DHX57: variants seen among roughly 807,000 people sequenced by gnomAD.
The protein encoded by DHX57 is putative ATP-dependent RNA helicase DHX57.
A neutral mutation model predicts 156.2 loss-of-function variants in DHX57; 105 were observed. That is an observed-to-expected ratio of 0.67 (90% confidence interval 0.57 to 0.79). The LOEUF is 0.79. Ranked by LOEUF, DHX57 falls within the 30% of genes least tolerant of loss-of-function variation. DHX57 has a pLI of 0.00. For synonymous variants in DHX57, 704 were observed against 595.6 expected (o/e 1.18, Z -2.65); for missense variants, 1,847 against 1,661.9 (o/e 1.11, Z -1.94).
chr2:38,838,606 ACTT>A (rs1310035229), intron 12 of DHX57, among the ~76,000 whole-genome samples: 4 of 152,182 alleles, frequency 2.6e-5, no homozygotes, highest in Non-Finnish European at 5.9e-5. Flanking sequence ...CATTTTAGAA[ACTT>A]CTTCTAGATT....
At chr2:38,823,648 T>A (rs1160505704) in intron 16 of DHX57, among the ~76,000 whole-genome samples, 1 of 152,048 alleles carries the variant, frequency 6.6e-6, no homozygotes, top group Non-Finnish European at 1.5e-5. Context: ...CTCAAAAAAC[T>A]AAAAATAGAA....
At chr2:38,806,977 A>G (rs181126463) in intron 21 of DHX57, among the ~76,000 whole-genome samples, 1 of 150,306 alleles carries the variant, frequency 6.7e-6, no homozygotes, top group African/African-American at 2.4e-5. Context: ...TTGGGTCTGT[A>G]CTGATGATCA....
At chr2:38,803,578 C>T (rs868177510) in intron 22 of DHX57, among the ~76,000 whole-genome samples, 4 of 151,214 alleles carry the variant, frequency 2.6e-5, no homozygotes, top group Admixed American at 2.0e-4. Context: ...ACCTCTGCCC[C>T]CTAGGTTCAA....
chr2:38,863,530 C>T lies in DHX57; in HGVS notation c.225-11G>A, dbSNP rs770902562. 3.7e-6 allele frequency: 6 copies of T among 1,605,142 alleles called. No homozygotes were observed. The highest frequency in any genetic ancestry group is 5.1e-6 in the Non-Finnish European group (6 of 1,177,504). On this transcript the variant is annotated splice_polypyrimidine_tract_variant and intron_variant, in intron 2 of 23. Transcript: ENST00000457308. ...TTACTGTTGCTAGGTCTATAGAGAA[C>T]AAAAGAGCAAAATTACACACATATC... is the stretch of plus-strand genomic sequence containing the variant.
At chr2:38,834,263 G>A (rs776448313) in intron 13 of DHX57, among the ~76,000 whole-genome samples, 19 of 149,188 alleles carry the variant, frequency 1.3e-4, no homozygotes, top group Admixed American at 2.7e-4. Flanking sequence ...CCTGGGAAGC[G>A]GAGGTTGCGG....
At chr2:38,834,993 A>G (rs1209388751) in intron 13 of DHX57, among the ~76,000 whole-genome samples, 1 of 152,212 alleles carries the variant, frequency 6.6e-6, no homozygotes, top group Non-Finnish European at 1.5e-5. Context: ...GAAGGGAAGG[A>G]TCTAAAGCTG....
chr2:38,869,115 T>C (rs1665232846), intron 1 of DHX57, among the ~76,000 whole-genome samples: 1 of 152,222 alleles, frequency 6.6e-6, no homozygotes, highest in Admixed American at 6.5e-5. Context: ...CATAGGATTT[T>C]AAAAATCCAG....
At chr2:38,838,183 C>T (rs1671784039) in intron 12 of DHX57, among the ~76,000 whole-genome samples, 1 of 152,160 alleles carries the variant, frequency 6.6e-6, no homozygotes, top group South Asian at 2.1e-4. Flanking sequence ...ACTGCAGCCT[C>T]GACCTCCCAG....
intron 10 of DHX57, among the ~76,000 whole-genome samples, chr2:38,847,872 A>G (rs1672372451): frequency 6.6e-6 from 1 of 152,124 alleles, no homozygotes. Flanking sequence ...TCGTGAGGTC[A>G]GGAGATGGAG....
In DHX57 at chr2:38,862,014, A is replaced by G. The variant is rs1321993063; in HGVS notation, c.572+131T>C. On this transcript the variant is annotated intron_variant, in intron 4 of 23. Transcript: ENST00000457308. ...CCTGAATGACCCCTTCTGATAAGATAGAATATTAGGCCTATCAGGCATTGC... is the reference window on the plus strand; with the variant it reads ...CCTGAATGACCCCTTCTGATAAGATGGAATATTAGGCCTATCAGGCATTGC... 34 of 1,243,458 alleles carry G rather than the reference A, an allele frequency of 2.7e-5. 1 individual carries two copies. In the East Asian group the frequency reaches 7.4e-4, roughly 27 times the overall value. 77.0% of individuals were successfully genotyped at this position (1,243,458 alleles called of 1,614,324 possible).
Position 38,802,876 on chromosome 2 carries a change from T to C in DHX57, c.3856A>G (p.Lys1286Glu), listed in dbSNP as rs762928078. Reference protein sequence around the residue: ...FDSPYLLYHEKIKTSRVFIRD... With the variant: ...FDSPYLLYHEEIKTSRVFIRD... ...ATGAATACTCGACTAGTTTTTATCT[T>C]CTCGTGGTACAACAGGTAGGGGCTG... The change falls in exon 23 of 24, where the codon AAG (lysine) becomes GAG (glutamate). Residue 1286 changes from lysine to glutamate, a missense_variant. By Grantham distance (56) the Lys-to-Glu change is moderately conservative. Transcript: ENST00000457308. The C allele has an allele frequency of 6.2e-7, 1 of 1,614,146 alleles. No homozygotes were observed. Among genetic ancestry groups the C allele is most frequent in the Admixed American group, 1.7e-5 (1 of 60,016 alleles).
chr2:38,839,557 CAA>C (rs10708087), intron 12 of DHX57, among the ~76,000 whole-genome samples: 67 of 140,980 alleles, frequency 4.8e-4, no homozygotes, highest in Admixed American at 5.0e-4. Context: ...ACTAAAAATA[CAA>C]AAAAAAAAAA....
intron 12 of DHX57, among the ~76,000 whole-genome samples, chr2:38,838,324 C>A (rs900656544): frequency 6.6e-6 from 1 of 152,158 alleles, no homozygotes; most frequent in African/African-American, 2.4e-5. Flanking sequence ...TGGTCTCGAA[C>A]TCCCAGGCTA....
Position 38,811,704 on chromosome 2 carries a change from T to C in DHX57, c.3681+2117A>G, listed in dbSNP as rs1572626520. On this transcript the variant is annotated intron_variant, in intron 21 of 23. Transcript: ENST00000457308. ...TCCTGGTGCCTGGAATCTGTCTTCA[T>C]GGCTCAGTGAACCACTCGGGGCCTG... is the stretch of plus-strand genomic sequence containing the variant. The C allele has an allele frequency of 9.5e-6, 8 of 843,002 alleles. No homozygotes were observed. The East Asian group carries it at 1.7e-4, about 18-fold the overall frequency. 52.2% of individuals were successfully genotyped at this position (843,002 alleles called of 1,614,324 possible).
intron 5 of DHX57, among the ~76,000 whole-genome samples, chr2:38,859,657 G>A (rs562601695): frequency 2.6e-5 from 4 of 152,048 alleles, no homozygotes; most frequent in African/African-American, 4.8e-5. Context: ...GGAGTGGGTC[G>A]GGTGGTTAGT....
intron 21 of DHX57, among the ~76,000 whole-genome samples, chr2:38,813,380 T>C (rs375150164): frequency 4.6e-5 from 7 of 152,206 alleles, no homozygotes; most frequent in African/African-American, 1.2e-4. Context: ...TACTAAGTTT[T>C]TTTTTTTTGA....
At chr2:38,861,983 A>C in intron 4 of DHX57, 146 bp from the exon 5 acceptor site, 1 of 1,220,378 alleles carries the variant, frequency 8.2e-7, no homozygotes, top group Non-Finnish European at 1.1e-6. Context: ...GATAACAATA[A>C]GCCCCCCTGA....
chr2:38,823,929 T>C (rs1051124790), intron 16 of DHX57, among the ~76,000 whole-genome samples: 2 of 152,088 alleles, frequency 1.3e-5, no homozygotes, highest in African/African-American at 4.8e-5. Flanking sequence ...GGAGAATCAC[T>C]TGAACCCGGA....
intron 12 of DHX57, 103 bp from the exon 13 acceptor site, chr2:38,838,050 G>A (rs1671775827): frequency 3.9e-6 from 3 of 763,644 alleles, no homozygotes; most frequent in East Asian, 2.5e-5. Flanking sequence ...TTAGGTGAGT[G>A]TTGGTTTAAT....
Sources: gnomAD v4.1 joint callset for allele counts (sites outside exome capture counted in the v4.1 genomes callset) on GRCh38, gnomAD v4.1.1 for gene constraint, MANE v1.5 for transcripts, NCBI Gene and HGNC (gene_info 2026-07-23, HGNC 2026-07-21) for gene names.